The following ITPR1 variants were observed in gnomAD, a reference collection of about 807,000 sequenced individuals.
ITPR1 encodes inositol 1,4,5-trisphosphate receptor type 1.
In ITPR1, 96 loss-of-function variants were observed where a neutral mutation model predicts 318.4. The ratio of observed to expected loss-of-function variants is 0.30; its 90% CI spans 0.26 to 0.36. The LOEUF (loss-of-function observed/expected upper bound fraction) is 0.36. Among genes scored for constraint, ITPR1 ranks in the 10% least tolerant of loss-of-function variants. ITPR1 has a pLI of 1.00. For synonymous variants in ITPR1, 1,312 were observed against 1,289.9 expected, an observed-to-expected ratio of 1.02 and a Z score of -0.37; for missense variants, 2,440 against 3,460.2, an observed-to-expected ratio of 0.71 and a Z score of 7.40.
intron 4 of ITPR1, among the ~76,000 whole-genome samples, chr3:4,546,387 A>G (rs2085000560): frequency 6.6e-6 from 1 of 152,164 alleles, no homozygotes; most frequent in South Asian, 2.1e-4. Context: ...CCCATTTTCC[A>G]GCCAAAAGAG....
intron 31 of ITPR1, among the ~76,000 whole-genome samples, chr3:4,689,070 T>C (rs905765315): frequency 1.3e-5 from 2 of 152,242 alleles, no homozygotes; most frequent in South Asian, 2.1e-4. Flanking sequence ...ATTGTAGGTT[T>C]TGTAAAGAAA....
intron 32 of ITPR1, among the ~76,000 whole-genome samples, chr3:4,692,967 A>C (rs550635517): frequency 9.2e-5 from 14 of 152,252 alleles, no homozygotes; most frequent in Non-Finnish European, 1.5e-4. Context: ...CTAAAAATAC[A>C]AAATTAGCCA....
intron 2 of ITPR1, among the ~76,000 whole-genome samples, chr3:4,498,320 G>A (rs1037782815): frequency 2.0e-5 from 3 of 152,182 alleles, no homozygotes; most frequent in African/African-American, 7.2e-5. Flanking sequence ...GGAGGCAAAC[G>A]AGTTGACCCT....
At chr3:4,562,031 TAGA>T (rs1050528433) in intron 4 of ITPR1, among the ~76,000 whole-genome samples, 7 of 151,848 alleles carry the variant, frequency 4.6e-5, no homozygotes, top group African/African-American at 1.7e-4. Context: ...GAAGAAGAAT[TAGA>T]AGAAGAATTG....
intron 7 of ITPR1, among the ~76,000 whole-genome samples, chr3:4,643,867 T>G (rs2125156016): frequency 6.6e-6 from 1 of 152,248 alleles, no homozygotes; most frequent in East Asian, 1.9e-4. Flanking sequence ...AGTTTTTTTT[T>G]TTTTTCCTGC....
chr3:4,788,562 G>A lies in ITPR1; in HGVS notation c.6808+423G>A, dbSNP rs539012700. Among the ~76,000 whole-genome samples the A allele has an allele frequency of 5.3e-5, 8 of 152,282 alleles. No individual in the cohort carries two copies. In the South Asian group the frequency reaches 1.7e-3, roughly 32 times the overall value. On this transcript the variant is annotated intron_variant, in intron 52 of 61. Coordinates refer to ENST00000649015, the MANE Select transcript of ITPR1 (RefSeq NM_001378452.1). Reference sequence around the variant, plus strand: ...GAGACTCTGGTATTTTCCCTTTTATGGGGTAGCTTGGATTTTAGACTAAAT... The same window carrying A: ...GAGACTCTGGTATTTTCCCTTTTATAGGGTAGCTTGGATTTTAGACTAAAT...
chr3:4,575,398 T>C (rs2088532988), intron 4 of ITPR1, among the ~76,000 whole-genome samples: 2 of 152,204 alleles, frequency 1.3e-5, no homozygotes. Context: ...TGTGGTAGCA[T>C]GCTTGGAAGT....
At chr3:4,729,325 G>A (rs2042741468) in intron 42 of ITPR1, among the ~76,000 whole-genome samples, 1 of 152,144 alleles carries the variant, frequency 6.6e-6, no homozygotes, top group African/African-American at 2.4e-5. Context: ...CACAGTGGCT[G>A]GAATGTGATA....
At chr3:4,704,326 C>A (rs529236493) in intron 36 of ITPR1, among the ~76,000 whole-genome samples, 1 of 152,298 alleles carries the variant, frequency 6.6e-6, no homozygotes, top group South Asian at 2.1e-4. Context: ...GCAGGAGAAT[C>A]GCTTGAACCT....
At position 4,846,468 on chromosome 3, in the gene ITPR1, G is replaced by A. The variant is rs963189027; in HGVS notation, c.*243G>A. ...ATATTAAAAATGCCTTTTTTGGAAG[G>A]ACTAACAGAAAGCACCTGATTTGCA... On this transcript the variant is annotated 3_prime_UTR_variant, in exon 62 of 62. Coordinates refer to ENST00000649015, the MANE Select transcript of ITPR1 (RefSeq NM_001378452.1). The A allele has an allele frequency of 7.6e-5, 25 of 326,998 alleles. No homozygotes were observed. Among genetic ancestry groups the A allele is most frequent in the Non-Finnish European group, 1.3e-4 (24 of 180,530 alleles). The allele number at this position is 326,998 out of a possible 1,614,324, so 20.3% of individuals were successfully genotyped here. A position where few individuals can be genotyped will look rare whatever the true frequency, so the allele number is the denominator to read the frequency against.
chr3:4,656,965 G>C (rs1307196228), intron 12 of ITPR1, among the ~76,000 whole-genome samples: 3 of 152,214 alleles, frequency 2.0e-5, no homozygotes, highest in African/African-American at 7.2e-5. Context: ...TTGAATATCT[G>C]TAGGCAGATG....
chr3:4,813,217 C>T lies in ITPR1; in HGVS notation c.7544C>T (p.Ser2515Phe). 6.2e-7 allele frequency: 1 copy of T among 1,611,370 alleles called. No homozygotes were observed. The change falls in exon 57 of 62, where the codon TCT (serine) becomes TTT (phenylalanine). Residue 2515 changes from serine (S) to phenylalanine (F), a missense_variant. Transcript: ENST00000649015. Reference sequence around the variant, plus strand: ...GTGGAGAGTGGGGAGAACTGCTCCTCTCCTGCACCCAGAGAAGGTAGGACC... The same window carrying T: ...GTGGAGAGTGGGGAGAACTGCTCCTTTCCTGCACCCAGAGAAGGTAGGACC... ...CRVESGENCS[S>F]PAPREELVPA...
In ITPR1 at chr3:4,768,599, C is replaced by G; in HGVS notation, c.5814C>G (p.Phe1938Leu). ...CCACCAGGAAAGCCTTCACCACTTT[C>G]AGGAGGGAGGCTGATCCCGACGACC... ...SAATRKAFTT[F>L]RREADPDDHY... Residue 1938 changes from phenylalanine (F) to leucine (L), a missense_variant, in exon 46 of 62, where the codon TTC (phenylalanine) becomes TTG (leucine). Physicochemically the swap from Phe to Leu is conservative, Grantham distance 22. This residue lies in a region of ITPR1 where 113 missense variants were observed against 103.6 expected (regional missense o/e 1.09). Coordinates refer to ENST00000649015, the MANE Select transcript of ITPR1 (RefSeq NM_001378452.1). The G allele has an allele frequency of 1.9e-6, 3 of 1,614,018 alleles. No homozygotes were observed. In the South Asian group the frequency reaches 3.3e-5, roughly 18 times the overall value.
chr3:4,715,417 A>C (rs1392371449), intron 39 of ITPR1, among the ~76,000 whole-genome samples: 6 of 152,236 alleles, frequency 3.9e-5, no homozygotes, highest in Admixed American at 3.9e-4. Flanking sequence ...ATAGACGCCA[A>C]GTGCATTTAC....
intron 4 of ITPR1, among the ~76,000 whole-genome samples, chr3:4,587,909 T>C (rs911353576): frequency 3.9e-5 from 6 of 152,200 alleles, no homozygotes; most frequent in Admixed American, 3.9e-4. Context: ...ACCTCTCATC[T>C]GACTTTTGTT....
intron 4 of ITPR1, among the ~76,000 whole-genome samples, chr3:4,626,799 G>A (rs1161061213): frequency 1.3e-5 from 2 of 152,098 alleles, no homozygotes; most frequent in African/African-American, 2.4e-5. Flanking sequence ...CCCTAGGAGA[G>A]CCCTCCAAAT....
intron 53 of ITPR1, chr3:4,799,973 G>A (rs4142942): frequency 0.74 from 115,323 of 155,280 alleles, 44,170 homozygotes; most frequent in Non-Finnish European, 0.85. Flanking sequence ...TTTCTCGAAC[G>A]AGCTTTTCGT....
At chr3:4,506,608 G>A (rs1379941955) in intron 2 of ITPR1, among the ~76,000 whole-genome samples, 2 of 152,154 alleles carry the variant, frequency 1.3e-5, no homozygotes, top group Non-Finnish European at 1.5e-5. Flanking sequence ...ACGGGAGCAG[G>A]GACCTTGTAT....
At chr3:4,796,498 G>A (rs557459116) in intron 53 of ITPR1, among the ~76,000 whole-genome samples, 9 of 152,262 alleles carry the variant, frequency 5.9e-5, no homozygotes, top group East Asian at 1.9e-4. Flanking sequence ...GTCTCCTTTC[G>A]CCTCAGGGAA....
Sources: gnomAD v4.1 joint callset for allele counts (sites outside exome capture counted in the v4.1 genomes callset) on GRCh38, gnomAD v4.1.1 for gene constraint, gnomAD v4.1.1 regional missense constraint, MANE v1.5 for transcripts, NCBI Gene and HGNC (gene_info 2026-07-23, HGNC 2026-07-21) for gene names.